Variants in MINAR1 observed in about 807,000 individuals in gnomAD.
MINAR1 encodes major intrinsically disordered Notch2-binding receptor 1.
Under a neutral mutation model 65.1 loss-of-function variants are expected in MINAR1, and 40 were observed. The ratio of observed to expected loss-of-function variants is 0.61; its 90% CI spans 0.48 to 0.80. The LOEUF (loss-of-function observed/expected upper bound fraction) is 0.80. Among genes scored for constraint, MINAR1 ranks in the 30% least tolerant of loss-of-function variants. The pLI, the probability that MINAR1 is intolerant of heterozygous loss-of-function variation, is 0.00. For missense variants in MINAR1, 1,128 were observed against 1,148.0 expected, an observed-to-expected ratio of 0.98 and a Z score of 0.25; for synonymous variants, 482 against 449.1, an observed-to-expected ratio of 1.07 and a Z score of -0.93.
chr15:79,444,337 T>C (rs1296395101), intron 1 of MINAR1, among the ~76,000 whole-genome samples: 1 of 152,214 alleles, frequency 6.6e-6, no homozygotes, highest in Non-Finnish European at 1.5e-5. Flanking sequence ...TTTTCTTTTT[T>C]TCTTTATCAT....
Position 79,456,262 on chromosome 15 carries a change from G to C in MINAR1, c.115G>C (p.Asp39His). The C allele has an allele frequency of 6.2e-7, 1 of 1,614,136 alleles. No individual in the cohort carries two copies. Among genetic ancestry groups the C allele is most frequent in the Non-Finnish European group, 8.5e-7 (1 of 1,180,022 alleles). Reference sequence around the variant, plus strand: ...GTGCAAATCTCTCTGTGCCCGGTTCGACCTGTCGCAGCTTGCCAAACTGAG... The same window carrying C: ...GTGCAAATCTCTCTGTGCCCGGTTCCACCTGTCGCAGCTTGCCAAACTGAG... ...DLCKSLCARF[D>H]LSQLAKLRSV... Residue 39 changes from aspartate (D) to histidine (H), a missense_variant, in exon 2 of 4, where the codon GAC becomes CAC. Physicochemically the swap from Asp to His is moderately conservative, Grantham distance 81 (BLOSUM62 -1). Coordinates refer to ENST00000305428, the MANE Select transcript of MINAR1 (RefSeq NM_015206.3).
chr15:79,417,709 A>G, the MINAR1 span: 1 of 152,218 alleles, frequency 6.6e-6, no homozygotes, highest in Non-Finnish European at 1.5e-5. Flanking sequence ...TCGCTCTTCC[A>G]TCTTTAAAAG....
At chr15:79,461,550 G>A (rs1895641173) in intron 2 of MINAR1, among the ~76,000 whole-genome samples, 1 of 152,232 alleles carries the variant, frequency 6.6e-6, no homozygotes, top group African/African-American at 2.4e-5. Context: ...AAGTCTCTTA[G>A]AAGATACTTG....
At chr15:79,422,617 AAG>A in the MINAR1 span, 3 of 152,148 alleles carry the variant, frequency 2.0e-5, no homozygotes, top group Non-Finnish European at 4.4e-5. Flanking sequence ...CAAGATCAGA[AAG>A]AGAGGAATGG....
chr15:79,456,281 A>G lies in MINAR1; in HGVS notation c.134A>G (p.Lys45Arg), dbSNP rs775549335. 1.2e-6 allele frequency: 2 copies of G among 1,614,192 alleles called. No individual in the cohort carries two copies. The highest frequency in any genetic ancestry group is 1.7e-6 in the Non-Finnish European group (2 of 1,180,042). The change falls in exon 2 of 4, where the codon AAA (lysine) becomes AGA (arginine). Residue 45 changes from lysine to arginine, a missense_variant. Coordinates refer to ENST00000305428, the MANE Select transcript of MINAR1 (RefSeq NM_015206.3). ...CARFDLSQLA[K>R]LRSVLFYTAC... ...CGGTTCGACCTGTCGCAGCTTGCCA[A>G]ACTGAGAAGTGTGCTCTTCTACACA...
rs1270365198 is a variant in MINAR1 at position 79,463,210 on chromosome 15, C to T, written c.2442C>T (p.Asp814=). ...TGAAGAGCAACCCCCTGTACACAGA[C>T]ATGCGGCTGACCGAGTTGGCCGAGG... ...AHMKSNPLYT[D]MRLTELAEVK... The change falls in exon 3 of 4, where the codon GAC becomes GAT. Residue 814 remains aspartate, a synonymous_variant. Transcript: ENST00000305428. 4.3e-6 allele frequency: 7 copies of T among 1,614,264 alleles called. No homozygotes were observed. Among genetic ancestry groups the T allele is most frequent in the Non-Finnish European group, 5.9e-6 (7 of 1,180,050 alleles).
intron 1 of MINAR1, among the ~76,000 whole-genome samples, chr15:79,455,019 CAAA>C (rs1230802843): frequency 6.6e-6 from 1 of 151,638 alleles, no homozygotes; most frequent in Non-Finnish European, 1.5e-5. Flanking sequence ...TGAAGTGAAT[CAAA>C]AAAATAAGAA....
the MINAR1 span, chr15:79,424,674 A>T: frequency 2.0e-5 from 3 of 152,240 alleles, no homozygotes; most frequent in African/African-American, 4.8e-5. Flanking sequence ...TCTTGCATTT[A>T]GTTGTGGGGA....
upstream of MINAR1, chr15:79,427,542 A>G (rs1264677778): frequency 6.6e-6 from 1 of 152,158 alleles, no homozygotes; most frequent in Non-Finnish European, 1.5e-5. Flanking sequence ...GTGGCTCTAT[A>G]TTCCACTTCA....
chr15:79,442,481 T>G (rs1661324687), intron 1 of MINAR1, among the ~76,000 whole-genome samples: 1 of 152,128 alleles, frequency 6.6e-6, no homozygotes, highest in Non-Finnish European at 1.5e-5. Flanking sequence ...AGTTTTCATA[T>G]TTGGCTATCC....
chr15:79,451,217 C>T (rs1407310594), intron 1 of MINAR1, among the ~76,000 whole-genome samples: 4 of 152,144 alleles, frequency 2.6e-5, no homozygotes, highest in African/African-American at 2.4e-5. Flanking sequence ...AGACCTGGAC[C>T]CCTCCTAGGA....
chr15:79,465,558 A>C (rs553501812), intron 3 of MINAR1, among the ~76,000 whole-genome samples: 31 of 152,246 alleles, frequency 2.0e-4, no homozygotes, highest in African/African-American at 6.7e-4. Context: ...TATTTCACAC[A>C]CTGAATCCCA....
chr15:79,445,550 A>T lies in MINAR1; in HGVS notation c.-50-10548A>T, dbSNP rs370145895. On this transcript the variant is annotated intron_variant, in intron 1 of 3. Transcript: ENST00000305428. Reference sequence around the variant, plus strand: ...TACTTTAAATCTTTCTGTGACAGTTATTTTTTTTTTTTTTTGAGACGGAGT... The same window carrying T: ...TACTTTAAATCTTTCTGTGACAGTTTTTTTTTTTTTTTTTTGAGACGGAGT... Among the ~76,000 whole-genome samples, 547 of 138,666 alleles carry T rather than the reference A, an allele frequency of 3.9e-3. 2 individuals are homozygous for T. Among genetic ancestry groups the T allele is most frequent in the Middle Eastern group, 0.015 (4 of 270 alleles). The allele number at this position is 138,666 out of a possible 152,430, so 91.0% of individuals were successfully genotyped here. A position where few individuals can be genotyped will look rare whatever the true frequency, so the allele number is the denominator to read the frequency against.
rs1180350192 is a variant in MINAR1 at position 79,468,536 on chromosome 15, G to A, written c.*152G>A. On this transcript the variant is annotated 3_prime_UTR_variant, in exon 4 of 4. Coordinates refer to ENST00000305428, the MANE Select transcript of MINAR1 (RefSeq NM_015206.3). ...GTTGAATGAAGGTGGTTTTCAGAAA[G>A]TATACATTCTAGTGAGAAATCTACC... The A allele has an allele frequency of 1.4e-6, 1 of 698,850 alleles. No homozygotes were observed. The highest frequency in any genetic ancestry group is 1.8e-5 in the African/African-American group (1 of 55,758). The allele number at this position is 698,850 out of a possible 1,614,324, so 43.3% of individuals were successfully genotyped here. A position where few individuals can be genotyped will look rare whatever the true frequency, so the allele number is the denominator to read the frequency against.
At chr15:79,439,858 A>G (rs1161900507) in intron 1 of MINAR1, among the ~76,000 whole-genome samples, 1 of 152,002 alleles carries the variant, frequency 6.6e-6, no homozygotes, top group Non-Finnish European at 1.5e-5. Context: ...TAGTCACAGC[A>G]GGAAGGAAAA....
chr15:79,446,755 T>C (rs1895034138), intron 1 of MINAR1, among the ~76,000 whole-genome samples: 1 of 152,190 alleles, frequency 6.6e-6, no homozygotes, highest in South Asian at 2.1e-4. Context: ...CATTCTTATA[T>C]ATTATCACTT....
the MINAR1 span, chr15:79,412,054 T>G: frequency 7.2e-6 from 1 of 139,310 alleles, no homozygotes; most frequent in Non-Finnish European, 1.6e-5. Flanking sequence ...TCACAGCTCC[T>G]GTGCTGGCAA....
In MINAR1 at chr15:79,472,085, C is replaced by T. The variant is rs919921625; in HGVS notation, c.*3701C>T. On this transcript the variant is annotated 3_prime_UTR_variant, in exon 4 of 4. Transcript: ENST00000305428. ...CTGAAGGAATGGGTATTCTTGAAGGCAGGGACTGTCTTTTCTATGTTTGTT... is the reference window on the plus strand; with the variant it reads ...CTGAAGGAATGGGTATTCTTGAAGGTAGGGACTGTCTTTTCTATGTTTGTT... The T allele has an allele frequency of 6.6e-6, 1 of 152,562 alleles. No homozygotes were observed. The highest frequency in any genetic ancestry group is 2.4e-5 in the African/African-American group (1 of 41,418). 9.5% of individuals were successfully genotyped at this position (152,562 alleles called of 1,614,324 possible).
In MINAR1 at chr15:79,432,437, G is replaced by C. The variant is rs1020095436; in HGVS notation, c.-154G>C. 5 of 152,322 alleles carry C rather than the reference G, an allele frequency of 3.3e-5. No homozygotes were observed. The highest frequency in any genetic ancestry group is 1.2e-4 in the African/African-American group (5 of 41,468). 9.4% of individuals were successfully genotyped at this position (152,322 alleles called of 1,614,324 possible). A position where few individuals can be genotyped will look rare whatever the true frequency, so the allele number is the denominator to read the frequency against. ...CGGGTGACAGTGACCAGCTGACTCT[G>C]GAGCCTACCGGAGGCGCGGCATCGG... On this transcript the variant is annotated 5_prime_UTR_variant, in exon 1 of 4. Coordinates refer to ENST00000305428, the MANE Select transcript of MINAR1 (RefSeq NM_015206.3).
Sources: gnomAD v4.1 joint callset for allele counts (sites outside exome capture counted in the v4.1 genomes callset) on GRCh38, gnomAD v4.1.1 for gene constraint, MANE v1.5 for transcripts, NCBI Gene and HGNC (gene_info 2026-07-23, HGNC 2026-07-21) for gene names.